The following LRIG2 variants were observed in gnomAD, a reference collection of about 807,000 sequenced individuals.
LRIG2 encodes leucine rich repeats and immunoglobulin like domains 2.
Under a neutral mutation model 107.8 loss-of-function variants are expected in LRIG2, and 93 were observed. The observed-to-expected ratio is 0.86, with a 90% CI of 0.73 to 1.03. The LOEUF is 1.03. LRIG2 is among the 50% of genes least tolerant of loss of function. The probability of loss-of-function intolerance (pLI) is 0.00; values close to 1 mark genes in which losing one functional copy is unlikely to be tolerated. For missense variants in LRIG2, 1,226 were observed against 1,296.0 expected, an observed-to-expected ratio of 0.95 and a Z score of 0.83; for synonymous variants, 471 against 470.6, an observed-to-expected ratio of 1.00 and a Z score of -0.01.
At chr1:113,098,488 T>G (rs932636311) in intron 8 of LRIG2, among the ~76,000 whole-genome samples, 3 of 152,176 alleles carry the variant, frequency 2.0e-5, no homozygotes, top group Non-Finnish European at 2.9e-5. Context: ...ATTGTTAGCT[T>G]ATAAGAATCA....
intron 1 of LRIG2, among the ~76,000 whole-genome samples, chr1:113,083,784 T>G (rs1653397660): frequency 7.0e-6 from 1 of 142,112 alleles, no homozygotes; most frequent in Non-Finnish European, 1.5e-5. Flanking sequence ...CTTGGAGAGC[T>G]TTTACAAAAT....
chr1:113,094,813 G>C, intron 6 of LRIG2, 58 bp downstream of exon 6: 1 of 1,528,218 alleles, frequency 6.5e-7, no homozygotes, highest in East Asian at 2.3e-5. Flanking sequence ...GGACTTTTCA[G>C]TGTCGAATGG....
rs35009982 is a variant in LRIG2, at chr1:113,129,531, A to AACACACAC, written c.*5443_*5450dup. On this transcript the variant is annotated 3_prime_UTR_variant, in exon 18 of 18. Transcript: ENST00000361127. Reference sequence around the variant, plus strand: ...AGAGCCTATCTCTGGTCTTTAAATAAACACACACACACACACACACCCCTA... The same window carrying AACACACAC: ...AGAGCCTATCTCTGGTCTTTAAATAAACACACACACACACACACACACACACACCCCTA... The AACACACAC allele has an allele frequency of 6.7e-6, 1 of 150,274 alleles. No individual in the cohort carries two copies. 9.3% of individuals were successfully genotyped at this position (150,274 alleles called of 1,614,324 possible).
intron 1 of LRIG2, among the ~76,000 whole-genome samples, chr1:113,080,019 ATTTTTTTTTT>A (rs35584269): frequency 7.1e-5 from 8 of 112,638 alleles, no homozygotes; most frequent in African/African-American, 3.7e-5. Flanking sequence ...CCTGGCCCGA[ATTTTTTTTTT>A]TTTTTTTTTT....
intron 1 of LRIG2, 72 bp from the exon 2 acceptor site, chr1:113,091,246 T>G: frequency 9.7e-7 from 1 of 1,029,894 alleles, no homozygotes; most frequent in Non-Finnish European, 1.5e-6. Context: ...TGTATTTCTA[T>G]TTAGTTTCTT....
At position 113,119,404 on chromosome 1, in the gene LRIG2, C is replaced by T; in HGVS notation, c.2852C>T (p.Pro951Leu). The T allele has an allele frequency of 6.2e-7, 1 of 1,614,052 alleles. No individual in the cohort carries two copies. The change falls in exon 17 of 18, where the codon CCC becomes CTC. Residue 951 changes from proline to leucine, a missense_variant. Pro to Leu is a moderately conservative substitution (Grantham distance 98). Transcript: ENST00000361127. ...AAAGAGACATATTTAGTACATCCTC[C>T]CCAGGATACTACTGCCCTAGAGAGC... ...MPKETYLVHP[P>L]QDTTALESLI... is the part of the protein sequence containing the mutation.
chr1:113,104,259 C>T (rs961683094), intron 11 of LRIG2, among the ~76,000 whole-genome samples: 4 of 152,208 alleles, frequency 2.6e-5, no homozygotes, highest in Admixed American at 2.6e-4. Flanking sequence ...CATCCTCCAT[C>T]CATCTGTCCA....
intron 11 of LRIG2, chr1:113,103,187 C>G (rs1411195603): frequency 6.6e-6 from 1 of 152,174 alleles, no homozygotes; most frequent in Non-Finnish European, 1.5e-5. Flanking sequence ...AACCCGTAGG[C>G]AAGCCCTTAA....
chr1:113,113,878 G>T (rs1336236621), intron 14 of LRIG2, among the ~76,000 whole-genome samples: 1 of 151,990 alleles, frequency 6.6e-6, no homozygotes, highest in African/African-American at 2.4e-5. Context: ...TAGGAAAAGG[G>T]GAGGAAAGTC....
chr1:113,087,230 C>T (rs1653596642), intron 1 of LRIG2, among the ~76,000 whole-genome samples: 1 of 152,164 alleles, frequency 6.6e-6, no homozygotes, highest in Non-Finnish European at 1.5e-5. Context: ...TGCAAACCAC[C>T]TGGAATTAAT....
intron 12 of LRIG2, among the ~76,000 whole-genome samples, chr1:113,109,676 G>A (rs893934687): frequency 9.2e-5 from 14 of 152,120 alleles, no homozygotes; most frequent in African/African-American, 2.4e-4. Flanking sequence ...CCGCCACCTC[G>A]CCTGGGTAAT....
chr1:113,095,870 G>T lies in LRIG2; in HGVS notation c.804-4G>T, dbSNP rs375917506. 3.1e-6 allele frequency: 5 copies of T among 1,614,100 alleles called. No homozygotes were observed. Among genetic ancestry groups the T allele is most frequent in the Non-Finnish European group, 4.2e-6 (5 of 1,179,984 alleles). ...TATTTTCTTCTCTTTCTCTAATTCT[G>T]CAGAGAACTGGAACACAACAACCTT... is the stretch of plus-strand genomic sequence containing the variant. On this transcript the variant is annotated splice_region_variant and splice_polypyrimidine_tract_variant and intron_variant, in intron 6 of 17. Transcript: ENST00000361127.
At chr1:113,095,823 T>C in intron 6 of LRIG2, 51 bp from the exon 7 acceptor site, 1 of 1,603,238 alleles carries the variant, frequency 6.2e-7, no homozygotes, top group Admixed American at 1.7e-5. Flanking sequence ...AGCTAGTTAT[T>C]GAACTGCCTT....
At chr1:113,100,179 A>C (rs372891863) in intron 9 of LRIG2, 32 bp from the exon 10 acceptor site, 1 of 1,330,506 alleles carries the variant, frequency 7.5e-7, no homozygotes, top group Non-Finnish European at 1.0e-6. Flanking sequence ...TTTAGTGGAG[A>C]GCTTTCTTAG....
At chr1:113,120,322 T>C (rs28558366) in intron 17 of LRIG2, among the ~76,000 whole-genome samples, 1 of 151,518 alleles carries the variant, frequency 6.6e-6, no homozygotes, top group Non-Finnish European at 1.5e-5. Context: ...TGGTGGTGCA[T>C]GCCTGTAGTC....
chr1:113,121,476 G>T (rs1476844891), intron 17 of LRIG2, among the ~76,000 whole-genome samples: 4 of 151,958 alleles, frequency 2.6e-5, no homozygotes, highest in Non-Finnish European at 5.9e-5. Context: ...GGGCATGGTG[G>T]CTCACGCCTG....
intron 12 of LRIG2, among the ~76,000 whole-genome samples, chr1:113,109,761 C>T (rs978165729): frequency 3.3e-5 from 5 of 152,166 alleles, no homozygotes; most frequent in African/African-American, 1.2e-4. Flanking sequence ...TGAGTTGATC[C>T]ACCCACTTCG....
chr1:113,093,532 A>T lies in LRIG2; in HGVS notation c.483A>T (p.Thr161=), dbSNP rs1166530614. ...LSSNIISEIK[T]SSFPRMQLKY... Reference sequence around the variant, plus strand: ...CAAATATAATATCAGAAATCAAGACATCTTCATTTCCTCGCATGCAGCTTA... The same window carrying T: ...CAAATATAATATCAGAAATCAAGACTTCTTCATTTCCTCGCATGCAGCTTA... Residue 161 remains threonine (T), a synonymous_variant, in exon 4 of 18, where the codon ACA becomes ACT. Coordinates refer to ENST00000361127, the MANE Select transcript of LRIG2 (RefSeq NM_014813.3). 4 of 1,593,894 alleles carry T rather than the reference A, an allele frequency of 2.5e-6. No homozygotes were observed. The highest frequency in any genetic ancestry group is 1.4e-5 in the African/African-American group (1 of 73,446).
In LRIG2 at chr1:113,093,220, A is replaced by G. The variant is rs1317010200; in HGVS notation, c.320A>G (p.Asn107Ser). 6.3e-6 allele frequency: 10 copies of G among 1,594,606 alleles called. No homozygotes were observed. Among genetic ancestry groups the G allele is most frequent in the Non-Finnish European group, 8.6e-6 (10 of 1,167,918 alleles). ...CTCTTGCCTAGGAAAATGAATTACAATGAACTAACAGAAATCCCGTATTTT... is the reference window on the plus strand; with the variant it reads ...CTCTTGCCTAGGAAAATGAATTACAGTGAACTAACAGAAATCCCGTATTTT... ...QTLQEVKMNY[N>S]ELTEIPYFGE... The change falls in exon 3 of 18, where the codon AAT becomes AGT. Residue 107 changes from asparagine to serine, a missense_variant. Physicochemically the swap from Asn to Ser is conservative, Grantham distance 46. Around this residue, in one of 3 missense-constraint regions of LRIG2, gnomAD observed 570 missense variants for 550.2 expected, o/e 1.04. Coordinates refer to ENST00000361127, the MANE Select transcript of LRIG2 (RefSeq NM_014813.3).
Sources: gnomAD v4.1 joint callset for allele counts (sites outside exome capture counted in the v4.1 genomes callset) on GRCh38, gnomAD v4.1.1 for gene constraint, gnomAD v4.1.1 regional missense constraint, MANE v1.5 for transcripts, NCBI Gene and HGNC (gene_info 2026-07-23, HGNC 2026-07-21) for gene names.